KRABD2: variants seen among roughly 807,000 people sequenced by gnomAD.
The protein encoded by KRABD2 is KRAB domain-containing protein 2.
the KRABD2 span, among the ~76,000 whole-genome samples, chr17:8,362,340 AAG>A: frequency 3.3e-5 from 5 of 152,226 alleles, no homozygotes; most frequent in Non-Finnish European, 7.4e-5. This position sits in a 1 kb window ranked among gnomAD's most constrained non-coding sequence, Gnocchi z 4.2. Context: ...AAAAAAAAAA[AAG>A]AAAATGAATT....
chr17:8,365,035 GA>G, the KRABD2 span, among the ~76,000 whole-genome samples: 63,671 of 148,454 alleles, frequency 0.43, 13,922 homozygotes, highest in Admixed American at 0.55. Context: ...ACTCTGTTTA[GA>G]AAAAAAAAAA....
At chr17:8,369,441 A>G in the KRABD2 span, 5 of 1,614,086 alleles carry the variant, frequency 3.1e-6, no homozygotes, top group African/African-American at 5.3e-5. Context: ...CACCATCTGC[A>G]TGAATCGGAG....
chr17:8,369,835 C>T, the KRABD2 span: 1 of 1,614,212 alleles, frequency 6.2e-7, no homozygotes, highest in Admixed American at 1.7e-5. Flanking sequence ...CATGTGGAGT[C>T]TATGTCCTTA....
the KRABD2 span, chr17:8,369,972 T>C: frequency 1.2e-6 from 2 of 1,614,200 alleles, no homozygotes; most frequent in Non-Finnish European, 1.7e-6. Flanking sequence ...TTGCAGCTCC[T>C]TGAGCATGCG....
chr17:8,375,536 ATTTT>A, the KRABD2 span, among the ~76,000 whole-genome samples: 1 of 141,184 alleles, frequency 7.1e-6, no homozygotes, highest in Admixed American at 7.0e-5. Context: ...TTTTTCTTTC[ATTTT>A]TTTTTTTTTT....
At chr17:8,367,170 CT>C in the KRABD2 span, 3 of 152,178 alleles carry the variant, frequency 2.0e-5, no homozygotes, top group African/African-American at 7.2e-5. Flanking sequence ...CAGACATATA[CT>C]TCTATTGACT....
At chr17:8,363,815 CATATATATATCATACATATAT>C in the KRABD2 span, among the ~76,000 whole-genome samples, 15 of 101,528 alleles carry the variant, frequency 1.5e-4, no homozygotes, top group Admixed American at 4.3e-4. Context: ...ATATATCATA[CATATATATATCATACATATAT>C]ATATATATAT....
chr17:8,363,826 C>CATAT, the KRABD2 span, among the ~76,000 whole-genome samples: 179 of 54,066 alleles, frequency 3.3e-3, 1 homozygote, highest in Middle Eastern at 0.01. Flanking sequence ...ATATATATAT[C>CATAT]ATACATATAT....
chr17:8,368,996 T>G, the KRABD2 span: 1 of 1,383,232 alleles, frequency 7.2e-7, no homozygotes. Context: ...AACTTTTGTC[T>G]TTTTGAGCAA....
At chr17:8,374,472 G>A in the KRABD2 span, among the ~76,000 whole-genome samples, 2 of 151,972 alleles carry the variant, frequency 1.3e-5, no homozygotes, top group African/African-American at 2.4e-5. Flanking sequence ...CAAGTACCCA[G>A]GGACACAAAC....
At chr17:8,366,058 G>A in the KRABD2 span, among the ~76,000 whole-genome samples, 1 of 152,028 alleles carries the variant, frequency 6.6e-6, no homozygotes, top group Admixed American at 6.6e-5. Context: ...AACCTGGAAG[G>A]TGGAGGTTGC....
At chr17:8,358,937 G>T in the KRABD2 span, among the ~76,000 whole-genome samples, 1 of 152,098 alleles carries the variant, frequency 6.6e-6, no homozygotes, top group Non-Finnish European at 1.5e-5. Context: ...ATACTCTTCA[G>T]ACAATATTCA....
At chr17:8,369,284 T>G in the KRABD2 span, 4 of 1,614,268 alleles carry the variant, frequency 2.5e-6, no homozygotes, top group South Asian at 4.4e-5. Flanking sequence ...CTAGCTGTTC[T>G]TCAGCAATTT....
the KRABD2 span, chr17:8,369,234 A>T: frequency 6.2e-7 from 1 of 1,614,132 alleles, no homozygotes; most frequent in Non-Finnish European, 8.5e-7. Flanking sequence ...GTCTGCTCCA[A>T]TCTCAGCCCT....
At chr17:8,366,120 C>T in the KRABD2 span, among the ~76,000 whole-genome samples, 9 of 124,542 alleles carry the variant, frequency 7.2e-5, no homozygotes, top group African/African-American at 2.8e-4. Context: ...CAGTGCGAGA[C>T]TCCATCTCAA....
the KRABD2 span, among the ~76,000 whole-genome samples, chr17:8,372,395 A>G: frequency 7.2e-5 from 11 of 152,104 alleles, no homozygotes; most frequent in African/African-American, 2.2e-4. The surrounding 1 kb of genome is among the most constrained non-coding windows in gnomAD (Gnocchi z 4.1). Flanking sequence ...TTTTATAGAG[A>G]TGGGGTTTTG....
the KRABD2 span, chr17:8,371,340 C>G: frequency 6.2e-7 from 1 of 1,614,058 alleles, no homozygotes; most frequent in South Asian, 1.1e-5. Context: ...AACTGTCCAG[C>G]ATTGTGTCTC....
chr17:8,376,108 T>TA, the KRABD2 span: 4 of 1,231,600 alleles, frequency 3.2e-6, no homozygotes, highest in Non-Finnish European at 4.0e-6. Flanking sequence ...ATACAACCTA[T>TA]AAGGTAGGGA....
At chr17:8,374,829 C>T in the KRABD2 span, among the ~76,000 whole-genome samples, 1 of 143,654 alleles carries the variant, frequency 7.0e-6, no homozygotes, top group Non-Finnish European at 1.5e-5. Flanking sequence ...GCCTGTAGTC[C>T]CAGGAGGCTG....
Sources: gnomAD v4.1 joint callset for allele counts (sites outside exome capture counted in the v4.1 genomes callset) on GRCh38, gnomAD v4.1.1 for gene constraint, Gnocchi (gnomAD v3.1) non-coding constraint, MANE v1.5 for transcripts, NCBI Gene and HGNC (gene_info 2026-07-23, HGNC 2026-07-21) for gene names.